Variants in MRTFA observed in about 807,000 individuals in gnomAD.
MRTFA encodes myocardin-related transcription factor A.
MRTFA carries 20 observed loss-of-function variants against 83.5 expected under a neutral mutation model. The observed-to-expected ratio is 0.24, with a 90% CI of 0.17 to 0.35. The LOEUF is 0.35. Ranked by LOEUF, MRTFA falls within the 10% of genes least tolerant of loss-of-function variation. MRTFA has a pLI of 1.00. For missense variants in MRTFA, 1,200 were observed against 1,224.7 expected (o/e 0.98, Z 0.30); for synonymous variants, 659 against 541.2 (o/e 1.22, Z -3.02).
chr22:40,594,218 A>G (rs768663595), intron 2 of MRTFA, among the ~76,000 whole-genome samples: 3 of 152,232 alleles, frequency 2.0e-5, no homozygotes, highest in Non-Finnish European at 4.4e-5. Flanking sequence ...GCTACTGTCT[A>G]GTCAGGTCCT....
intron 4 of MRTFA, among the ~76,000 whole-genome samples, chr22:40,438,780 A>T (rs1233844437): frequency 1.3e-5 from 2 of 152,166 alleles, no homozygotes; most frequent in African/African-American, 4.8e-5. Flanking sequence ...TAGAAAAAAA[A>T]AACACAGTAC....
chr22:40,621,064 C>T (rs1387289905), intron 1 of MRTFA, among the ~76,000 whole-genome samples: 1 of 151,758 alleles, frequency 6.6e-6, no homozygotes, highest in East Asian at 1.9e-4. Context: ...GCCTGTAGCC[C>T]CAGCTACTCA....
chr22:40,417,348 T>G lies in MRTFA; in HGVS notation c.2510A>C (p.Lys837Thr), dbSNP rs1489803693. The change falls in exon 13 of 15, where the codon AAA (lysine) becomes ACA (threonine). Residue 837 changes from lysine to threonine, a missense_variant. This residue lies in a region of MRTFA where 1,107 missense variants were observed against 1,041.8 expected (regional missense o/e 1.06). Coordinates refer to ENST00000355630, the MANE Select transcript of MRTFA (RefSeq NM_020831.6). ...CTAGCCCGCCTTCCTCACCTGCTGT[T>G]TGGGCTGCTGGCTCATGGCTTCCTC... The G allele has an allele frequency of 6.2e-7, 1 of 1,610,174 alleles. No individual in the cohort carries two copies. Among genetic ancestry groups the G allele is most frequent in the East Asian group, 2.2e-5 (1 of 44,802 alleles).
chr22:40,557,795 T>C (rs2055549164), intron 2 of MRTFA, among the ~76,000 whole-genome samples: 1 of 152,180 alleles, frequency 6.6e-6, no homozygotes, highest in South Asian at 2.1e-4. Context: ...TAAACTTATA[T>C]TACTGAGCTT....
chr22:40,492,732 A>G (rs2054290866), intron 3 of MRTFA, among the ~76,000 whole-genome samples: 1 of 152,224 alleles, frequency 6.6e-6, no homozygotes, highest in Non-Finnish European at 1.5e-5. Flanking sequence ...AAGATACCAA[A>G]AAGCAGAGGG....
chr22:40,459,862 T>TACACAC (rs1555973838), intron 4 of MRTFA, among the ~76,000 whole-genome samples: 1 of 121,486 alleles, frequency 8.2e-6, no homozygotes, highest in African/African-American at 3.1e-5. Context: ...TATATATATA[T>TACACAC]ACACACATGA....
chr22:40,593,923 G>C (rs2056155407), intron 2 of MRTFA, among the ~76,000 whole-genome samples: 1 of 152,206 alleles, frequency 6.6e-6, no homozygotes, highest in Non-Finnish European at 1.5e-5. Flanking sequence ...ACTTATGGTG[G>C]TAGAAAACTA....
At chr22:40,445,644 G>T (rs901615376) in intron 4 of MRTFA, among the ~76,000 whole-genome samples, 2 of 152,110 alleles carry the variant, frequency 1.3e-5, no homozygotes, top group African/African-American at 4.8e-5. Context: ...CACCTCCTGG[G>T]ATCAAGCCAT....
chr22:40,454,957 T>C (rs2053556759), intron 4 of MRTFA, among the ~76,000 whole-genome samples: 1 of 152,174 alleles, frequency 6.6e-6, no homozygotes, highest in Admixed American at 6.5e-5. Context: ...TGTGATATCA[T>C]GCCTGGCTAA....
At chr22:40,423,510 G>C in intron 9 of MRTFA, 26 bp downstream of exon 9, 5 of 1,459,382 alleles carry the variant, frequency 3.4e-6, no homozygotes, top group Non-Finnish European at 4.6e-6. Flanking sequence ...GGGAAGGGGA[G>C]GGTACAATCA....
chr22:40,429,962 G>A (rs1266407757), intron 6 of MRTFA, among the ~76,000 whole-genome samples, 195 bp from the exon 7 acceptor site: 1 of 152,058 alleles, frequency 6.6e-6, no homozygotes, highest in Non-Finnish European at 1.5e-5. Context: ...CTGTGACCAG[G>A]CAGTGCACAG....
chr22:40,633,581 CT>C (rs2056663441), intron 1 of MRTFA, among the ~76,000 whole-genome samples: 1 of 152,088 alleles, frequency 6.6e-6, no homozygotes, highest in African/African-American at 2.4e-5. Context: ...CATATGGAAT[CT>C]GTATATATCA....
In MRTFA at chr22:40,411,617, G is replaced by T; in HGVS notation, c.2869C>A (p.Pro957Thr). The change falls in exon 15 of 15, where the codon CCC becomes ACC. Residue 957 changes from proline to threonine, a missense_variant. By Grantham distance (38) the Pro-to-Thr change is conservative. This residue lies in a region of MRTFA where 1,107 missense variants were observed against 1,041.8 expected (regional missense o/e 1.06). Transcript: ENST00000355630. ...TCCGAGGTGTCCATGGGTGACGGGG[G>T]GTGGTCCAGGATGGCAGTGCTGCTC... 2 of 1,613,708 alleles carry T rather than the reference G, an allele frequency of 1.2e-6. No individual in the cohort carries two copies. Among genetic ancestry groups the T allele is most frequent in the Non-Finnish European group, 1.7e-6 (2 of 1,180,000 alleles).
intron 2 of MRTFA, chr22:40,587,350 G>GA (rs2056046582): frequency 2.4e-6 from 1 of 419,776 alleles, no homozygotes; most frequent in South Asian, 1.8e-5. Context: ...GAATGTTTCG[G>GA]AAGGCTTTGA....
In MRTFA at chr22:40,542,323, AACCCTC is replaced by A. The variant is rs2055304888; in HGVS notation, c.241+9777_241+9782del. 2.6e-5 allele frequency among the ~76,000 whole-genome samples: 4 copies of A among 152,316 alleles called. No homozygotes were observed. In the South Asian group the frequency reaches 8.3e-4, roughly 32 times the overall value. On this transcript the variant is annotated intron_variant, in intron 3 of 14. Coordinates refer to ENST00000355630, the MANE Select transcript of MRTFA (RefSeq NM_020831.6). Reference sequence around the variant, plus strand: ...CTCAAAGAAGCCTTCCCTACATGAAAACCCTCACTATTAGATCTGTTATTCTGTTAT... The same window carrying A: ...CTCAAAGAAGCCTTCCCTACATGAAAACTATTAGATCTGTTATTCTGTTAT...
At chr22:40,587,371 A>T in intron 2 of MRTFA, 1 of 398,946 alleles carries the variant, frequency 2.5e-6, no homozygotes, top group South Asian at 2.0e-5. Context: ...CAATACAATC[A>T]TCTTCATTAG....
chr22:40,485,483 T>C lies in MRTFA; in HGVS notation c.242-22197A>G, dbSNP rs1384895334. Among the ~76,000 whole-genome samples, 4 of 151,812 alleles carry C rather than the reference T, an allele frequency of 2.6e-5. No homozygotes were observed. The South Asian group carries it at 6.2e-4, about 24-fold the overall frequency. On this transcript the variant is annotated intron_variant, in intron 3 of 14. Transcript: ENST00000355630. Reference sequence around the variant, plus strand: ...GGTGTGTGAAGGCGGGAGGAGAGCCTGAGTATCAGATTAAAAAAAATCAAA... The same window carrying C: ...GGTGTGTGAAGGCGGGAGGAGAGCCCGAGTATCAGATTAAAAAAAATCAAA...
At chr22:40,505,681 A>G (rs1051529389) in intron 3 of MRTFA, among the ~76,000 whole-genome samples, 1 of 152,230 alleles carries the variant, frequency 6.6e-6, no homozygotes, top group African/African-American at 2.4e-5. Flanking sequence ...AAGAGGCTTC[A>G]CACAGCTTTC....
intron 14 of MRTFA, among the ~76,000 whole-genome samples, chr22:40,414,091 C>A (rs1241881213): frequency 6.6e-6 from 1 of 152,178 alleles, no homozygotes; most frequent in Non-Finnish European, 1.5e-5. Flanking sequence ...GTAATCCTAT[C>A]ACTTTGGGAG....
Sources: gnomAD v4.1 joint callset for allele counts (sites outside exome capture counted in the v4.1 genomes callset) on GRCh38, gnomAD v4.1.1 for gene constraint, gnomAD v4.1.1 regional missense constraint, MANE v1.5 for transcripts, NCBI Gene and HGNC (gene_info 2026-07-23, HGNC 2026-07-21) for gene names.